Variants in MARCHF1 observed in about 807,000 individuals in gnomAD.
The protein encoded by MARCHF1 is E3 ubiquitin-protein ligase MARCHF1.
In MARCHF1, 40 loss-of-function variants were observed where a neutral mutation model predicts 54.2. The observed-to-expected ratio is 0.74, with a 90% confidence interval of 0.57 to 0.96. The LOEUF (loss-of-function observed/expected upper bound fraction) is 0.96. Among genes scored for constraint, MARCHF1 ranks in the 40% least tolerant of loss-of-function variants. MARCHF1 has a pLI of 0.00. For missense variants in MARCHF1, 586 were observed against 656.5 expected (o/e 0.89, Z 1.17); for synonymous variants, 236 against 236.3 (o/e 1.00, Z 0.01).
chr4:163,762,357 C>A (rs1306103091), intron 4 of MARCHF1, among the ~76,000 whole-genome samples: 1 of 152,022 alleles, frequency 6.6e-6, no homozygotes, highest in Admixed American at 6.6e-5. Context: ...TGGCAAAAAT[C>A]ATTATAAATA....
intron 5 of MARCHF1, among the ~76,000 whole-genome samples, chr4:163,633,348 A>C (rs1484196979): frequency 6.6e-6 from 1 of 152,140 alleles, no homozygotes; most frequent in Non-Finnish European, 1.5e-5. Flanking sequence ...AAAACTTTGA[A>C]AAAAATTTAG....
chr4:163,912,116 A>C (rs888420280), intron 3 of MARCHF1, among the ~76,000 whole-genome samples: 17 of 151,284 alleles, frequency 1.1e-4, no homozygotes, highest in Admixed American at 9.2e-4. Flanking sequence ...TCTGCAATCC[A>C]GCCAGCAGGG....
chr4:164,005,127 TTACTA>T (rs1195724878), intron 2 of MARCHF1, among the ~76,000 whole-genome samples: 4 of 151,904 alleles, frequency 2.6e-5, no homozygotes, highest in Non-Finnish European at 5.9e-5. Context: ...AGAGGAAACA[TTACTA>T]TATATTTAAC....
chr4:163,726,136 C>T (rs1398826080), intron 4 of MARCHF1, among the ~76,000 whole-genome samples: 2 of 152,116 alleles, frequency 1.3e-5, no homozygotes, highest in Non-Finnish European at 2.9e-5. Context: ...ATCATTATCA[C>T]CCAAAGTCTC....
At chr4:164,152,564 C>A (rs1292581686) in intron 1 of MARCHF1, among the ~76,000 whole-genome samples, 2 of 152,094 alleles carry the variant, frequency 1.3e-5, no homozygotes, top group Non-Finnish European at 2.9e-5. Flanking sequence ...CTTGAAATTG[C>A]CCTGCAAAGT....
intron 2 of MARCHF1, among the ~76,000 whole-genome samples, chr4:163,992,943 T>G (rs958053813): frequency 1.3e-5 from 2 of 151,934 alleles, no homozygotes; most frequent in African/African-American, 4.8e-5. Flanking sequence ...GGAGGAAACC[T>G]GGATTGAATG....
chr4:163,693,058 G>A (rs1334529270), intron 5 of MARCHF1, among the ~76,000 whole-genome samples: 1 of 151,392 alleles, frequency 6.6e-6, no homozygotes, highest in African/African-American at 2.4e-5. Context: ...ATAGGAGGTA[G>A]ACTCAAATGT....
intron 1 of MARCHF1, among the ~76,000 whole-genome samples, chr4:164,293,497 G>A (rs11941402): frequency 0.67 from 102,513 of 152,038 alleles, 35,555 homozygotes; most frequent in Non-Finnish European, 0.76. Flanking sequence ...CTCCTGGCTC[G>A]GAGTACAGCC....
At position 163,684,097 on chromosome 4, in the gene MARCHF1, C is replaced by T. The variant is rs571818634; in HGVS notation, c.162+16716G>A. On this transcript the variant is annotated intron_variant, in intron 5 of 9. Transcript: ENST00000514618. ...CCATGAAAGGCAAGAGTTGTATCAC[C>T]ATTTATGACCTTGCCTTGGGAGCCA... Among the ~76,000 whole-genome samples the T allele has an allele frequency of 2.6e-5, 4 of 152,274 alleles. No homozygotes were observed. In the South Asian group the frequency reaches 8.3e-4, roughly 32 times the overall value.
chr4:164,035,036 G>T (rs1201457251), intron 2 of MARCHF1, among the ~76,000 whole-genome samples: 2 of 152,042 alleles, frequency 1.3e-5, no homozygotes, highest in African/African-American at 4.8e-5. Flanking sequence ...TTATAAAGGA[G>T]ATATCAAAGA....
intron 2 of MARCHF1, among the ~76,000 whole-genome samples, chr4:164,079,464 A>G (rs1480868111): frequency 1.3e-5 from 2 of 152,184 alleles, no homozygotes; most frequent in African/African-American, 2.4e-5. Context: ...GTTAATAAAT[A>G]TGTGCATTTT....
intron 7 of MARCHF1, among the ~76,000 whole-genome samples, chr4:163,607,858 C>T (rs1042776648): frequency 6.6e-6 from 1 of 152,042 alleles, no homozygotes; most frequent in Non-Finnish European, 1.5e-5. Context: ...GCATCAGAAA[C>T]TCTAAGGGTG....
At chr4:163,959,172 G>C (rs1468470936) in intron 3 of MARCHF1, among the ~76,000 whole-genome samples, 1 of 151,898 alleles carries the variant, frequency 6.6e-6, no homozygotes, top group Non-Finnish European at 1.5e-5. Context: ...ACTCAGAATT[G>C]TGAGCAAATA....
chr4:164,224,706 G>C (rs1287696804), intron 1 of MARCHF1, among the ~76,000 whole-genome samples: 1 of 151,962 alleles, frequency 6.6e-6, no homozygotes, highest in Non-Finnish European at 1.5e-5. Flanking sequence ...TAGAATGCTA[G>C]AATAAACAAC....
chr4:163,897,901 A>AAG (rs1553961853), intron 3 of MARCHF1, among the ~76,000 whole-genome samples: 1 of 151,068 alleles, frequency 6.6e-6, no homozygotes, highest in African/African-American at 2.4e-5. Flanking sequence ...CTAAAAAAAA[A>AAG]CACTAAAAAA....
At chr4:163,560,504 T>TTC (rs1739434420) in intron 8 of MARCHF1, among the ~76,000 whole-genome samples, 1 of 152,212 alleles carries the variant, frequency 6.6e-6, no homozygotes, top group Non-Finnish European at 1.5e-5. Context: ...GCTATTCTAG[T>TTC]TCTTTTGCAT....
At chr4:163,814,577 C>T (rs1748484159) in intron 4 of MARCHF1, among the ~76,000 whole-genome samples, 1 of 152,042 alleles carries the variant, frequency 6.6e-6, no homozygotes, top group Admixed American at 6.6e-5. Flanking sequence ...GAGTAAAACT[C>T]CATCTCAAAA....
intron 4 of MARCHF1, among the ~76,000 whole-genome samples, chr4:163,760,564 A>G (rs2110822427): frequency 6.6e-6 from 1 of 152,274 alleles, no homozygotes; most frequent in East Asian, 1.9e-4. Context: ...ACCAGTTTGC[A>G]CATATGCTGC....
At chr4:163,682,815 G>A (rs572487249) in intron 5 of MARCHF1, among the ~76,000 whole-genome samples, 11 of 152,200 alleles carry the variant, frequency 7.2e-5, no homozygotes, top group South Asian at 2.1e-4. Context: ...TGCTATAACC[G>A]TAAGTTTCCT....
Sources: allele counts gnomAD v4.1 joint callset (sites outside exome capture counted in the v4.1 genomes callset), GRCh38; gene constraint gnomAD v4.1.1; transcripts MANE v1.5; gene names NCBI Gene and HGNC (gene_info 2026-07-23, HGNC 2026-07-21).